The following MPPED2 variants were observed in gnomAD, a reference collection of about 807,000 sequenced individuals.
MPPED2 encodes the protein metallophosphoesterase MPPED2.
A neutral mutation model predicts 33.0 loss-of-function variants in MPPED2; 5 were observed. The ratio of observed to expected loss-of-function variants is 0.15; its 90% CI spans 0.08 to 0.32. The LOEUF is 0.32. MPPED2 is among the 10% of genes least tolerant of loss of function. The pLI is 1.00. For missense variants in MPPED2, 275 were observed against 372.1 expected (o/e 0.74, Z 2.15); for synonymous variants, 136 against 141.9 (o/e 0.96, Z 0.29).
In MPPED2 at chr11:30,393,956, C is replaced by A. The variant is rs978696044; in HGVS notation, c.767-5000G>T. ...CTGCTCTTTTGTAGTCATGCTTTGC[C>A]CCCATCCTAACCCCTGGCAACCACT... On this transcript the variant is annotated intron_variant, in intron 6 of 6. Coordinates refer to the MPPED2 transcript ENST00000448418. Among the ~76,000 whole-genome samples the A allele has an allele frequency of 2.0e-5, 3 of 152,108 alleles. No individual in the cohort carries two copies. In the East Asian group the frequency reaches 5.8e-4, roughly 29 times the overall value.
chr11:30,390,071 G>A (rs528223748), intron 6 of MPPED2, among the ~76,000 whole-genome samples: 5 of 152,250 alleles, frequency 3.3e-5, no homozygotes, highest in African/African-American at 1.2e-4. Context: ...CGAAATGCAG[G>A]CATCTAACTA....
intron 6 of MPPED2, 135 bp downstream of exon 6, chr11:30,414,093 C>G: frequency 3.2e-6 from 2 of 631,832 alleles, no homozygotes; most frequent in Non-Finnish European, 2.9e-6. Context: ...TCAGATGTTT[C>G]TCATAAGACT....
At chr11:30,452,518 A>G (rs962455033) in intron 4 of MPPED2, among the ~76,000 whole-genome samples, 3 of 152,212 alleles carry the variant, frequency 2.0e-5, no homozygotes, top group Admixed American at 2.0e-4. Context: ...TTTTCGCATC[A>G]AAATCACTGC....
At chr11:30,525,443 A>G (rs182195922) in intron 3 of MPPED2, among the ~76,000 whole-genome samples, 4 of 152,352 alleles carry the variant, frequency 2.6e-5, no homozygotes, top group Admixed American at 2.6e-4. Flanking sequence ...ATTTTCATAC[A>G]GTAAAATTCC....
At chr11:30,507,635 C>T (rs532133811) in intron 3 of MPPED2, among the ~76,000 whole-genome samples, 234 of 152,240 alleles carry the variant, frequency 1.5e-3, no homozygotes, top group African/African-American at 5.5e-3. Flanking sequence ...TATTCATTTC[C>T]TTTTCCATTC....
At chr11:30,392,785 C>G (rs1947796603) in intron 6 of MPPED2, among the ~76,000 whole-genome samples, 1 of 152,156 alleles carries the variant, frequency 6.6e-6, no homozygotes, top group Admixed American at 6.5e-5. Context: ...TTGCTCACCT[C>G]CAAGATAGAC....
intron 3 of MPPED2, among the ~76,000 whole-genome samples, chr11:30,528,237 A>AT (rs1223860306): frequency 6.6e-6 from 1 of 151,806 alleles, no homozygotes; most frequent in African/African-American, 2.4e-5. Context: ...GGCAATTTTA[A>AT]TTTTTTTCTG....
At chr11:30,426,179 G>A (rs1348328835) in intron 4 of MPPED2, among the ~76,000 whole-genome samples, 4 of 152,096 alleles carry the variant, frequency 2.6e-5, no homozygotes, top group Non-Finnish European at 5.9e-5. Flanking sequence ...TTCTCCCCCA[G>A]TCCCTAGTAA....
intron 3 of MPPED2, among the ~76,000 whole-genome samples, chr11:30,521,099 G>A (rs1170600018): frequency 6.6e-6 from 1 of 152,162 alleles, no homozygotes; most frequent in African/African-American, 2.4e-5. Flanking sequence ...GGGGCTACTA[G>A]GAGGAATGCT....
chr11:30,486,753 T>A (rs1158574786), intron 4 of MPPED2, among the ~76,000 whole-genome samples: 1 of 152,220 alleles, frequency 6.6e-6, no homozygotes, highest in African/African-American at 2.4e-5. Context: ...GCTAGATTTC[T>A]GAGTGTTCAG....
At chr11:30,457,508 C>T (rs1345074800) in intron 4 of MPPED2, among the ~76,000 whole-genome samples, 2 of 151,978 alleles carry the variant, frequency 1.3e-5, no homozygotes, top group East Asian at 3.9e-4. Flanking sequence ...AAGTTTCAAA[C>T]TCTAATAATA....
At chr11:30,497,478 A>G (rs1176291438) in intron 3 of MPPED2, among the ~76,000 whole-genome samples, 1 of 152,210 alleles carries the variant, frequency 6.6e-6, no homozygotes, top group Admixed American at 6.5e-5. Context: ...TTAGAGCAGA[A>G]GATTTTACCT....
rs533143474 is a variant in MPPED2 at position 30,453,548 on chromosome 11, C to G, written c.537-35915G>C. On this transcript the variant is annotated intron_variant, in intron 4 of 6. Transcript: ENST00000358117. ...AGTGGTTAACGCCAAGCCCTACGTA[C>G]CTACTTCTGGCTGCGTATGGAGACG... Among the ~76,000 whole-genome samples, 160 of 152,316 alleles carry G rather than the reference C, an allele frequency of 1.1e-3. 1 individual carries two copies. The highest frequency in any genetic ancestry group is 3.8e-3 in the African/African-American group (157 of 41,570).
intron 3 of MPPED2, among the ~76,000 whole-genome samples, chr11:30,530,847 G>A (rs1467281517): frequency 2.0e-5 from 3 of 152,214 alleles, no homozygotes; most frequent in Non-Finnish European, 4.4e-5. Context: ...AGCACAGGTG[G>A]AAGGAACACA....
chr11:30,539,102 G>C lies in MPPED2; in HGVS notation c.129-2927C>G, dbSNP rs1954965123. 3.3e-5 allele frequency among the ~76,000 whole-genome samples: 5 copies of C among 152,088 alleles called. 1 individual carries two copies. Among genetic ancestry groups the C allele is most frequent in the Admixed American group, 3.3e-4 (5 of 15,270 alleles). On this transcript the variant is annotated intron_variant, in intron 2 of 6. Coordinates refer to ENST00000358117, the MANE Select transcript of MPPED2 (RefSeq NM_001584.3). ...TAATTAAAACTGAGACCACCCTCAG[G>C]AAACTACTCCTCCCAAATTGGGCAT...
At chr11:30,584,341 T>TAC (rs142791324) in intron 1 of MPPED2, 9,870 of 111,460 alleles carry the variant, frequency 0.089, 394 homozygotes, top group Middle Eastern at 0.12. Context: ...CTTTATGAAC[T>TAC]ACACACACAC....
intron 2 of MPPED2, 65 bp from the exon 3 acceptor site, chr11:30,536,240 A>C: frequency 7.5e-7 from 1 of 1,341,468 alleles, no homozygotes; most frequent in Non-Finnish European, 9.8e-7. Context: ...TTGTCGTCGC[A>C]CATACATATT....
chr11:30,489,677 G>A (rs1166304350), intron 4 of MPPED2, among the ~76,000 whole-genome samples: 1 of 152,122 alleles, frequency 6.6e-6, no homozygotes, highest in East Asian at 1.9e-4. Flanking sequence ...ACTCTAACGT[G>A]AAAAAATGTG....
intron 4 of MPPED2, among the ~76,000 whole-genome samples, chr11:30,493,541 GTTC>G (rs1411388065): frequency 1.3e-5 from 2 of 151,290 alleles, no homozygotes; most frequent in African/African-American, 2.4e-5. Context: ...GTAAAGGTGA[GTTC>G]TTCTGCTCTA....
Sources: gnomAD v4.1 joint callset for allele counts (sites outside exome capture counted in the v4.1 genomes callset) on GRCh38, gnomAD v4.1.1 for gene constraint, MANE v1.5 for transcripts, NCBI Gene and HGNC (gene_info 2026-07-23, HGNC 2026-07-21) for gene names.